The following MYO3B variants were observed in gnomAD, a reference collection of about 807,000 sequenced individuals.
MYO3B encodes the protein myosin-IIIb.
Under a neutral mutation model 174.6 loss-of-function variants are expected in MYO3B, and 156 were observed. The ratio of observed to expected loss-of-function variants is 0.89; its 90% confidence interval spans 0.78 to 1.02. The LOEUF is 1.02. Among genes scored for constraint, MYO3B ranks in the 50% least tolerant of loss-of-function variants. The probability of loss-of-function intolerance (pLI) is 0.00; values close to 1 mark genes in which losing one functional copy is unlikely to be tolerated. For synonymous variants in MYO3B, 563 were observed against 569.1 expected, an observed-to-expected ratio of 0.99 and a Z score of 0.15; for missense variants, 1,632 against 1,639.4, an observed-to-expected ratio of 1.00 and a Z score of 0.08.
intron 23 of MYO3B, among the ~76,000 whole-genome samples, chr2:170,450,717 A>G (rs540256036): frequency 6.6e-6 from 1 of 152,332 alleles, no homozygotes; most frequent in Non-Finnish European, 1.5e-5. Context: ...ATAAAATTTT[A>G]TAAATTTATG....
intron 7 of MYO3B, among the ~76,000 whole-genome samples, chr2:170,284,229 A>G (rs1214973771): frequency 1.3e-5 from 2 of 152,188 alleles, no homozygotes; most frequent in Non-Finnish European, 2.9e-5. Context: ...TGAGCACCCT[A>G]TATGCACCAA....
chr2:170,419,912 T>C (rs1379926120), intron 22 of MYO3B, among the ~76,000 whole-genome samples: 1 of 152,068 alleles, frequency 6.6e-6, no homozygotes, highest in East Asian at 1.9e-4. Context: ...AAGCCGGGTG[T>C]GGTGGCTCAC....
intron 29 of MYO3B, among the ~76,000 whole-genome samples, chr2:170,517,817 AG>A (rs1393186248): frequency 6.6e-6 from 1 of 151,972 alleles, no homozygotes; most frequent in East Asian, 1.9e-4. Flanking sequence ...AATCTCCAAG[AG>A]GGGGGAAAAC....
chr2:170,188,019 TG>T (rs1378906601), intron 1 of MYO3B, among the ~76,000 whole-genome samples: 2 of 152,206 alleles, frequency 1.3e-5, no homozygotes, highest in African/African-American at 4.8e-5. Flanking sequence ...AATGTTTCTT[TG>T]TTGATTTTCT....
chr2:170,433,071 G>A (rs982831377), intron 22 of MYO3B, among the ~76,000 whole-genome samples: 2 of 152,108 alleles, frequency 1.3e-5, no homozygotes, highest in Non-Finnish European at 2.9e-5. Flanking sequence ...TCTCATTCAT[G>A]TTATGTGCCC....
chr2:170,647,878 T>A (rs951203645), intron 32 of MYO3B: 2 of 152,186 alleles, frequency 1.3e-5, no homozygotes, highest in African/African-American at 4.8e-5. Flanking sequence ...GTAAACACTA[T>A]ATAAATATGA....
At chr2:170,517,989 TTGTG>T (rs10606302) in intron 29 of MYO3B, among the ~76,000 whole-genome samples, 10 of 149,468 alleles carry the variant, frequency 6.7e-5, no homozygotes, top group South Asian at 4.3e-4. Context: ...GCCATAATGT[TTGTG>T]TGTGTGTGTG....
At chr2:170,314,186 G>A (rs567848339) in intron 7 of MYO3B, among the ~76,000 whole-genome samples, 48 of 152,234 alleles carry the variant, frequency 3.2e-4, no homozygotes, top group African/African-American at 9.9e-4. Context: ...ATTCTGCCAA[G>A]CACCTCTCCC....
At chr2:170,195,812 G>A (rs1184305016) in intron 1 of MYO3B, among the ~76,000 whole-genome samples, 1 of 152,146 alleles carries the variant, frequency 6.6e-6, no homozygotes, top group Non-Finnish European at 1.5e-5. Context: ...CAGCCAAACA[G>A]TCAAGCCACA....
chr2:170,627,711 C>A (rs1231935217), intron 32 of MYO3B, among the ~76,000 whole-genome samples: 3 of 152,174 alleles, frequency 2.0e-5, no homozygotes, highest in Non-Finnish European at 4.4e-5. Context: ...ATGATGGTGA[C>A]CTACAGATGG....
chr2:170,582,844 C>G (rs1042002377), intron 32 of MYO3B, among the ~76,000 whole-genome samples: 6 of 152,210 alleles, frequency 3.9e-5, no homozygotes, highest in Middle Eastern at 6.8e-3. Flanking sequence ...GGGATTTTCT[C>G]TCTCCCTCTT....
intron 32 of MYO3B, among the ~76,000 whole-genome samples, chr2:170,561,384 T>G (rs1284573551): frequency 2.6e-5 from 4 of 152,228 alleles, no homozygotes; most frequent in Non-Finnish European, 5.9e-5. Context: ...TTCTAAACAT[T>G]GCCCTTAGAG....
At chr2:170,259,573 A>G (rs62172041) in intron 7 of MYO3B, among the ~76,000 whole-genome samples, 2,998 of 152,312 alleles carry the variant, frequency 0.02, 46 homozygotes, top group Non-Finnish European at 0.022. Context: ...TGGATTAAAA[A>G]CTTAGGACCT....
At chr2:170,379,247 T>G (rs548592817) in intron 9 of MYO3B, among the ~76,000 whole-genome samples, 2 of 149,924 alleles carry the variant, frequency 1.3e-5, no homozygotes, top group Non-Finnish European at 3.0e-5. Flanking sequence ...CAGGTTGGCA[T>G]GCAGTGGCTT....
chr2:170,399,908 T>G lies in MYO3B; in HGVS notation c.1792-280T>G, dbSNP rs187172753. On this transcript the variant is annotated intron_variant, in intron 16 of 34. Coordinates refer to ENST00000408978, the MANE Select transcript of MYO3B (RefSeq NM_138995.5). ...GGCATGGTAAGGCTGTGCTGGGAGT[T>G]CCAGCCGGCAATAATGAGAAGGAAA... Among the ~76,000 whole-genome samples, 569 of 152,316 alleles carry G rather than the reference T, an allele frequency of 3.7e-3. 7 individuals are homozygous for G. The highest frequency in any genetic ancestry group is 0.013 in the African/African-American group (556 of 41,572).
Position 170,652,964 on chromosome 2 carries a change from G to GTTGT in MYO3B, c.3888-16_3888-13dup, listed in dbSNP as rs1420525329. 5.6e-6 allele frequency: 9 copies of GTTGT among 1,612,620 alleles called. No individual in the cohort carries two copies. The highest frequency in any genetic ancestry group is 7.6e-6 in the Non-Finnish European group (9 of 1,179,498). On this transcript the variant is annotated intron_variant, in intron 34 of 34. Coordinates refer to ENST00000408978, the MANE Select transcript of MYO3B (RefSeq NM_138995.5). ...TGTTTTATTTTTTGTTGAAAATCCT[G>GTTGT]TTGTTTTCTTTGTTGCAGCCAAATC...
intron 28 of MYO3B, among the ~76,000 whole-genome samples, chr2:170,503,622 T>A (rs1687427507): frequency 6.8e-6 from 1 of 146,836 alleles, no homozygotes; most frequent in South Asian, 2.3e-4. Context: ...AGCAGGACTT[T>A]AGAAAACACA....
At chr2:170,636,957 C>CGTGCGT (rs1553546023) in intron 32 of MYO3B, among the ~76,000 whole-genome samples, 3 of 146,578 alleles carry the variant, frequency 2.0e-5, no homozygotes, top group African/African-American at 7.6e-5. Flanking sequence ...TGCTTTTGTG[C>CGTGCGT]GTGTGTGTGT....
intron 21 of MYO3B, among the ~76,000 whole-genome samples, chr2:170,406,750 C>A (rs12994125): frequency 0.035 from 5,350 of 152,116 alleles, 148 homozygotes; most frequent in South Asian, 0.099. Flanking sequence ...TTTTTTCTGG[C>A]CTCTGTGTCC....
Sources: allele counts gnomAD v4.1 joint callset (sites outside exome capture counted in the v4.1 genomes callset), GRCh38; gene constraint gnomAD v4.1.1; transcripts MANE v1.5; gene names NCBI Gene and HGNC (gene_info 2026-07-23, HGNC 2026-07-21).